The following ITGA1 variants were observed in gnomAD, a reference collection of about 807,000 sequenced individuals.
ITGA1 encodes the protein integrin subunit alpha 1.
In ITGA1, 85 loss-of-function variants were observed where a neutral mutation model predicts 145.9. The ratio of observed to expected loss-of-function variants is 0.58; its 90% CI spans 0.49 to 0.70. The LOEUF (loss-of-function observed/expected upper bound fraction) is 0.70, where lower values mean the gene tolerates loss of function less well. Among genes scored for constraint, ITGA1 ranks in the 30% least tolerant of loss-of-function variants. ITGA1 has a pLI of 0.00. For synonymous variants in ITGA1, 520 were observed against 495.3 expected (o/e 1.05, Z -0.66); for missense variants, 1,351 against 1,418.7 (o/e 0.95, Z 0.77).
At chr5:52,891,860 G>C (rs766364039) in intron 8 of ITGA1, among the ~76,000 whole-genome samples, 11 of 151,748 alleles carry the variant, frequency 7.2e-5, no homozygotes, top group South Asian at 6.2e-4. Context: ...TTTACATATT[G>C]TTTTAAAAAT....
Position 52,905,814 on chromosome 5 carries a change from C to T in ITGA1, c.1361C>T (p.Ala454Val), listed in dbSNP as rs1341708646. The T allele has an allele frequency of 6.2e-7, 1 of 1,613,552 alleles. No individual in the cohort carries two copies. The highest frequency in any genetic ancestry group is 8.5e-7 in the Non-Finnish European group (1 of 1,179,770). Residue 454 changes from alanine (A) to valine (V), a missense_variant, in exon 12 of 29, where the codon GCT (alanine) becomes GTT (valine). Transcript: ENST00000282588. ...TCTTCTGGAGATGTGCTCTATATTG[C>T]TGGACAGCCTCGGTACAATCATACA... ...TASSGDVLYI[A>V]GQPRYNHTGQ... is the part of the protein sequence containing the mutation.
At chr5:52,944,148 C>T (rs10061586) in intron 26 of ITGA1, among the ~76,000 whole-genome samples, 3,948 of 152,170 alleles carry the variant, frequency 0.026, 180 homozygotes, top group African/African-American at 0.09. Flanking sequence ...AGGGGATGGG[C>T]ACCTATGTCT....
chr5:52,844,716 T>C (rs1749307454), intron 1 of ITGA1, among the ~76,000 whole-genome samples: 1 of 152,196 alleles, frequency 6.6e-6, no homozygotes, highest in South Asian at 2.1e-4. Flanking sequence ...ATCTGTCTTA[T>C]CTATGTTTAT....
rs1181671681 is a variant in ITGA1, at chr5:52,944,910, A to G, written c.3286-33A>G. 7.9e-6 allele frequency: 11 copies of G among 1,398,150 alleles called. No homozygotes were observed. The Admixed American group carries it at 1.7e-4, about 21-fold the overall frequency. The allele number at this position is 1,398,150 out of a possible 1,614,324, so 86.6% of individuals were successfully genotyped here. ...ACTAGCTCTCATTTTGATTAGCATC[A>G]TATATTAAGAACAAATCCTATTTGC... On this transcript the variant is annotated intron_variant, in intron 26 of 28. Coordinates refer to ENST00000282588, the MANE Select transcript of ITGA1 (RefSeq NM_181501.2).
At chr5:52,880,810 T>A (rs1167382039) in intron 6 of ITGA1, among the ~76,000 whole-genome samples, 1 of 152,210 alleles carries the variant, frequency 6.6e-6, no homozygotes, top group Non-Finnish European at 1.5e-5. Context: ...AGTCTGGATT[T>A]TGAGATAGGA....
intron 1 of ITGA1, among the ~76,000 whole-genome samples, chr5:52,818,701 A>G (rs1748817465): frequency 6.6e-6 from 1 of 152,196 alleles, no homozygotes; most frequent in African/African-American, 2.4e-5. Context: ...TTTTTGTCAT[A>G]GTAACAGAGC....
In ITGA1 at chr5:52,952,796, A is replaced by T. The variant is rs1751244469; in HGVS notation, c.*345A>T. ...AAAAGATTTTTATGATCATAGAAAC[A>T]TCTATTTTCAAAACAATATAAATTA... On this transcript the variant is annotated 3_prime_UTR_variant, in exon 29 of 29. Coordinates refer to ENST00000282588, the MANE Select transcript of ITGA1 (RefSeq NM_181501.2). 1.3e-5 allele frequency: 2 copies of T among 154,214 alleles called. No homozygotes were observed. Among genetic ancestry groups the T allele is most frequent in the Non-Finnish European group, 2.9e-5 (2 of 69,520 alleles). The allele number at this position is 154,214 out of a possible 1,614,324, so 9.6% of individuals were successfully genotyped here. A position where few individuals can be genotyped will look rare whatever the true frequency, so the allele number is the denominator to read the frequency against.
chr5:52,929,602 A>T, intron 20 of ITGA1, 23 bp from the exon 21 acceptor site: 2 of 1,248,096 alleles, frequency 1.6e-6, no homozygotes, highest in Non-Finnish European at 2.3e-6. Flanking sequence ...ATCTGTTACT[A>T]AAGACATATT....
chr5:52,790,782 G>A (rs556713830), intron 1 of ITGA1, among the ~76,000 whole-genome samples: 3 of 152,222 alleles, frequency 2.0e-5, no homozygotes, highest in African/African-American at 7.2e-5. Flanking sequence ...CATATTCACA[G>A]GTTCCAGGCA....
intron 3 of ITGA1, 80 bp from the exon 4 acceptor site, chr5:52,864,683 T>C: frequency 2.5e-6 from 2 of 815,314 alleles, no homozygotes; most frequent in East Asian, 5.2e-5. Context: ...GCAAAACAAA[T>C]AGAATGTCTT....
chr5:52,943,708 A>G (rs1258591486), intron 26 of ITGA1, among the ~76,000 whole-genome samples: 1 of 151,852 alleles, frequency 6.6e-6, no homozygotes, highest in Non-Finnish European at 1.5e-5. Context: ...GTCATGCCCT[A>G]CTCCAGTGCT....
At chr5:52,937,741 CG>C (rs1438790289) in intron 24 of ITGA1, among the ~76,000 whole-genome samples, 3 of 152,166 alleles carry the variant, frequency 2.0e-5, no homozygotes, top group Non-Finnish European at 4.4e-5. Context: ...TATTCTTTCA[CG>C]GTTCTGGAGT....
intron 1 of ITGA1, chr5:52,801,191 A>G (rs746484504): frequency 4.9e-5 from 69 of 1,415,252 alleles, no homozygotes; most frequent in Non-Finnish European, 6.0e-5. Context: ...CTAAAGTTTT[A>G]GAACTGGGAA....
At chr5:52,898,820 A>G (rs1472106959) in intron 11 of ITGA1, among the ~76,000 whole-genome samples, 1 of 152,156 alleles carries the variant, frequency 6.6e-6, no homozygotes, top group Non-Finnish European at 1.5e-5. Context: ...CTAATTTGGG[A>G]AAAGAAAAAT....
chr5:52,912,516 A>G (rs1412042808), intron 14 of ITGA1, among the ~76,000 whole-genome samples: 1 of 126,708 alleles, frequency 7.9e-6, no homozygotes, highest in Non-Finnish European at 1.7e-5. Flanking sequence ...TATAGGTATT[A>G]TATATAGTGT....
At chr5:52,910,945 G>T (rs10046041) in intron 14 of ITGA1, among the ~76,000 whole-genome samples, 4 of 134,240 alleles carry the variant, frequency 3.0e-5, no homozygotes, top group African/African-American at 1.1e-4. Context: ...TATGTATACT[G>T]TATATAGTAT....
At chr5:52,867,418 A>G (rs2111780629) in intron 6 of ITGA1, among the ~76,000 whole-genome samples, 1 of 152,312 alleles carries the variant, frequency 6.6e-6, no homozygotes, top group African/African-American at 2.4e-5. Context: ...ACGTATCACA[A>G]AATGTAATTT....
chr5:52,930,996 A>G (rs1203060061), intron 21 of ITGA1, among the ~76,000 whole-genome samples: 1 of 152,128 alleles, frequency 6.6e-6, no homozygotes, highest in Admixed American at 6.5e-5. Flanking sequence ...CATTCATGCT[A>G]AGAGCTGAGT....
rs573749127 is a variant in ITGA1 at position 52,875,200 on chromosome 5, T to G, written c.625-6673T>G. The stretch of plus-strand genomic sequence containing the variant: ...TAAAGATATATATTTAACTTTATTT[T>G]ACTCATTGTTTTCCAAGATTATTTG... On this transcript the variant is annotated intron_variant, in intron 6 of 28. Coordinates refer to ENST00000282588, the MANE Select transcript of ITGA1 (RefSeq NM_181501.2). Among the ~76,000 whole-genome samples, 415 of 152,298 alleles carry G rather than the reference T, an allele frequency of 2.7e-3. 7 individuals are homozygous for G. Among genetic ancestry groups the G allele is most frequent in the African/African-American group, 9.5e-3 (395 of 41,564 alleles).
Sources: allele counts gnomAD v4.1 joint callset (sites outside exome capture counted in the v4.1 genomes callset), GRCh38; gene constraint gnomAD v4.1.1; transcripts MANE v1.5; gene names NCBI Gene and HGNC (gene_info 2026-07-23, HGNC 2026-07-21).